SMOC2: variants seen among roughly 807,000 people sequenced by gnomAD.
SMOC2 encodes the protein SPARC related modular calcium binding 2.
SMOC2 carries 39 observed loss-of-function variants against 61.4 expected under a neutral mutation model. That is an observed-to-expected ratio of 0.64 (90% CI 0.49 to 0.83). The LOEUF (loss-of-function observed/expected upper bound fraction) is 0.83, where lower values mean the gene tolerates loss of function less well. SMOC2 is among the 40% of genes least tolerant of loss of function. The probability of loss-of-function intolerance (pLI) is 0.00; values close to 1 mark genes in which losing one functional copy is unlikely to be tolerated. For synonymous variants in SMOC2, 247 were observed against 239.9 expected, an observed-to-expected ratio of 1.03 and a Z score of -0.27; for missense variants, 556 against 592.9, an observed-to-expected ratio of 0.94 and a Z score of 0.65.
chr6:168,651,697 A>G (rs1195095260), intron 10 of SMOC2, among the ~76,000 whole-genome samples: 1 of 152,196 alleles, frequency 6.6e-6, no homozygotes, highest in Admixed American at 6.5e-5. Context: ...ACTTAAGGAA[A>G]TAAAAAGGCA....
chr6:168,580,540 T>A (rs1784896867), intron 7 of SMOC2, among the ~76,000 whole-genome samples: 1 of 152,186 alleles, frequency 6.6e-6, no homozygotes, highest in African/African-American at 2.4e-5. Flanking sequence ...AGGTTTTGGT[T>A]TGTTTCTTTG....
At chr6:168,547,969 CAAG>C (rs763080683) in intron 6 of SMOC2, among the ~76,000 whole-genome samples, 2 of 152,070 alleles carry the variant, frequency 1.3e-5, no homozygotes, top group Admixed American at 1.3e-4. Flanking sequence ...GTGGTCATAA[CAAG>C]GAGAGATTTC....
chr6:168,567,728 C>G (rs1228314119), intron 7 of SMOC2, among the ~76,000 whole-genome samples: 1 of 152,194 alleles, frequency 6.6e-6, no homozygotes, highest in African/African-American at 2.4e-5. Flanking sequence ...GAAACGTTAT[C>G]TGAAGCTCGA....
intron 7 of SMOC2, among the ~76,000 whole-genome samples, chr6:168,574,922 G>C (rs975608998): frequency 6.6e-6 from 1 of 152,178 alleles, no homozygotes; most frequent in African/African-American, 2.4e-5. Flanking sequence ...ACTTCGTGCC[G>C]GGGTGCGGGG....
intron 7 of SMOC2, among the ~76,000 whole-genome samples, chr6:168,592,586 T>C (rs1785217742): frequency 4.5e-5 from 6 of 134,632 alleles, no homozygotes; most frequent in African/African-American, 1.8e-4. Context: ...GAGGGGCATC[T>C]TTCTAGAGGA....
At chr6:168,597,833 C>A (rs544186540) in intron 7 of SMOC2, among the ~76,000 whole-genome samples, 9 of 152,222 alleles carry the variant, frequency 5.9e-5, no homozygotes, top group Admixed American at 1.3e-4. Flanking sequence ...CCGCTCTCCC[C>A]CCAGGTGAGG....
chr6:168,524,896 G>T (rs1011739686), intron 2 of SMOC2, among the ~76,000 whole-genome samples: 2 of 152,264 alleles, frequency 1.3e-5, no homozygotes, highest in Non-Finnish European at 2.9e-5. Context: ...CTGGAGCATT[G>T]TTAGAGGCGG....
intron 1 of SMOC2, among the ~76,000 whole-genome samples, chr6:168,456,821 T>C (rs1781597702): frequency 6.6e-6 from 1 of 152,136 alleles, no homozygotes; most frequent in Non-Finnish European, 1.5e-5. Flanking sequence ...GGCATGTCAC[T>C]GTGAGGGCAG....
intron 1 of SMOC2, among the ~76,000 whole-genome samples, chr6:168,443,574 G>A (rs1781265414): frequency 6.6e-6 from 1 of 152,206 alleles, no homozygotes; most frequent in Admixed American, 6.5e-5. Flanking sequence ...CCCACCCCCA[G>A]TCTAGAAAAT....
At chr6:168,526,283 C>T (rs1783450380) in intron 2 of SMOC2, 63 bp from the exon 3 acceptor site, 1 of 1,447,974 alleles carries the variant, frequency 6.9e-7, no homozygotes, top group East Asian at 2.3e-5. Flanking sequence ...TTTCAATGTT[C>T]CTATATCTGT....
chr6:168,501,463 C>T (rs1782726746), intron 1 of SMOC2, among the ~76,000 whole-genome samples: 1 of 151,788 alleles, frequency 6.6e-6, no homozygotes, highest in African/African-American at 2.4e-5. Context: ...GGGCCAGGAA[C>T]CTGCATCGTC....
chr6:168,591,807 G>C (rs897365077), intron 7 of SMOC2, among the ~76,000 whole-genome samples: 1 of 150,520 alleles, frequency 6.6e-6, no homozygotes, highest in African/African-American at 2.4e-5. Context: ...ATGTAGTTAA[G>C]GGCCTTCTGA....
Position 168,511,013 on chromosome 6 carries a change from T to C in SMOC2, c.256+927T>C, listed in dbSNP as rs148294443. Among the ~76,000 whole-genome samples the C allele has an allele frequency of 3.5e-3, 530 of 152,326 alleles. 8 individuals carry two copies. The highest frequency in any genetic ancestry group is 0.027 in the East Asian group (138 of 5,188). ...TCCCATAACGTTGTAATGGAGCAGA[T>C]GTAGAAACCTGTTGGATGGCGCTTG... On this transcript the variant is annotated intron_variant, in intron 2 of 12. Coordinates refer to ENST00000356284, the MANE Select transcript of SMOC2 (RefSeq NM_001166412.2).
At chr6:168,613,467 G>T (rs9455674) in intron 9 of SMOC2, among the ~76,000 whole-genome samples, 24,022 of 152,124 alleles carry the variant, frequency 0.16, 2,193 homozygotes, top group Middle Eastern at 0.3. Context: ...GAGCTCTTCC[G>T]CCTGGCACAC....
chr6:168,511,811 G>GTTTTTTTTTTTTTTT lies in SMOC2; in HGVS notation c.256+1727_256+1728insTTTTTTTTTTTTTTT, dbSNP rs144317852. The stretch of plus-strand genomic sequence containing the variant: ...GACAAATGGCTATTCATTATCAAGG[G>GTTTTTTTTTTTTTTT]TTGTTTTTTTTTTTTTTTCTGAAAT... On this transcript the variant is annotated intron_variant, in intron 2 of 12. Transcript: ENST00000356284. Among the ~76,000 whole-genome samples the GTTTTTTTTTTTTTTT allele has an allele frequency of 2.3e-5, 3 of 130,734 alleles. 1 individual carries two copies. Among genetic ancestry groups the GTTTTTTTTTTTTTTT allele is most frequent in the Non-Finnish European group, 3.2e-5 (2 of 62,640 alleles). The allele number at this position is 130,734 out of a possible 152,430, so 85.8% of individuals were successfully genotyped here.
chr6:168,628,801 G>A (rs1786487741), intron 9 of SMOC2, among the ~76,000 whole-genome samples: 1 of 152,230 alleles, frequency 6.6e-6, no homozygotes, highest in African/African-American at 2.4e-5. Context: ...CCTTGGCCCT[G>A]CCTTTGAGCG....
chr6:168,631,821 GGT>G (rs1786577845), intron 9 of SMOC2, among the ~76,000 whole-genome samples: 1 of 152,166 alleles, frequency 6.6e-6, no homozygotes, highest in African/African-American at 2.4e-5. Context: ...CAGGTGAGAA[GGT>G]GCATGAGGTC....
At chr6:168,581,523 A>T (rs1006598669) in intron 7 of SMOC2, among the ~76,000 whole-genome samples, 10 of 152,224 alleles carry the variant, frequency 6.6e-5, no homozygotes, top group African/African-American at 2.4e-4. Flanking sequence ...TGCCCTAGTC[A>T]CATTCTTGCC....
In SMOC2 at chr6:168,557,296, A is replaced by G. The variant is rs187741523; in HGVS notation, c.637+8093A>G. Among the ~76,000 whole-genome samples the G allele has an allele frequency of 1.8e-3, 271 of 152,294 alleles. 2 individuals carry two copies. Among genetic ancestry groups the G allele is most frequent in the African/African-American group, 6.1e-3 (255 of 41,546 alleles). ...AGCAAATACCACCTCATAAGTGTAG[A>G]CTGTAAAAGTGTATTGTTTAAAAAC... On this transcript the variant is annotated intron_variant, in intron 7 of 12. Transcript: ENST00000356284.
Sources: allele counts gnomAD v4.1 joint callset (sites outside exome capture counted in the v4.1 genomes callset), GRCh38; gene constraint gnomAD v4.1.1; transcripts MANE v1.5; gene names NCBI Gene and HGNC (gene_info 2026-07-23, HGNC 2026-07-21).